The following BNC2 variants were observed in gnomAD, a reference collection of about 807,000 sequenced individuals.
The protein encoded by BNC2 is zinc finger protein basonuclin-2.
A neutral mutation model predicts 76.3 loss-of-function variants in BNC2; 20 were observed. The ratio of observed to expected loss-of-function variants is 0.26; its 90% CI spans 0.18 to 0.38. The LOEUF (loss-of-function observed/expected upper bound fraction) is 0.38, where lower values mean the gene tolerates loss of function less well. Ranked by LOEUF, BNC2 falls within the 10% of genes least tolerant of loss-of-function variation. BNC2 has a pLI of 1.00. For missense variants in BNC2, 1,382 were observed against 1,399.8 expected (o/e 0.99, Z 0.20); for synonymous variants, 582 against 514.8 (o/e 1.13, Z -1.77).
intron 3 of BNC2, among the ~76,000 whole-genome samples, chr9:16,623,647 C>T (rs1196179763): frequency 6.6e-6 from 1 of 152,152 alleles, no homozygotes; most frequent in Non-Finnish European, 1.5e-5. Context: ...AAATTATTTG[C>T]TTTTTAAATA....
intron 2 of BNC2, 108 bp downstream of exon 2, chr9:16,738,252 A>T (rs1302166682): frequency 8.1e-7 from 1 of 1,233,740 alleles, no homozygotes; most frequent in Non-Finnish European, 1.2e-6. Context: ...TATGAAAGAC[A>T]GTAAAAGAGT....
chr9:16,603,796 C>T (rs1335963896), intron 3 of BNC2, among the ~76,000 whole-genome samples: 1 of 151,994 alleles, frequency 6.6e-6, no homozygotes, highest in African/African-American at 2.4e-5. Flanking sequence ...TTATTAATGC[C>T]CAGAAAAATA....
At chr9:16,755,021 T>C (rs1330297) in intron 1 of BNC2, among the ~76,000 whole-genome samples, 131,114 of 152,168 alleles carry the variant, frequency 0.86, 56,867 homozygotes, top group Non-Finnish European at 0.91. Context: ...CTCCACATAT[T>C]GCCCACACTT....
In BNC2 at chr9:16,665,385, A is replaced by AG. The variant is rs1339101204; in HGVS notation, c.330+62411_330+62412insC. Among the ~76,000 whole-genome samples the AG allele has an allele frequency of 3.1e-3, 130 of 41,744 alleles. 4 individuals carry two copies. Among genetic ancestry groups the AG allele is most frequent in the South Asian group, 7.5e-3 (6 of 798 alleles). 27.4% of individuals were successfully genotyped at this position (41,744 alleles called of 152,430 possible). A position where few individuals can be genotyped will look rare whatever the true frequency, so the allele number is the denominator to read the frequency against. On this transcript the variant is annotated intron_variant, in intron 3 of 6. Transcript: ENST00000380672. Reference sequence around the variant, plus strand: ...ACCTCTGTCTCAAAAAAAAAAAAAAAAAGAGAGAGAGAGAGAGAAAGAGAG... The same window carrying AG: ...ACCTCTGTCTCAAAAAAAAAAAAAAAGAAGAGAGAGAGAGAGAGAAAGAGAG...
At chr9:16,422,041 A>C (rs1295054796) in intron 6 of BNC2, among the ~76,000 whole-genome samples, 1 of 152,206 alleles carries the variant, frequency 6.6e-6, no homozygotes, top group Non-Finnish European at 1.5e-5. Context: ...CTGAATAAGG[A>C]AGAATAAATT....
At chr9:16,810,742 G>A (rs1818025928) in intron 1 of BNC2, among the ~76,000 whole-genome samples, 1 of 152,206 alleles carries the variant, frequency 6.6e-6, no homozygotes, top group African/African-American at 2.4e-5. Context: ...TAAAGCCAGT[G>A]ATCCAAAGAG....
intron 1 of BNC2, among the ~76,000 whole-genome samples, chr9:16,766,217 T>A (rs1189485500): frequency 3.3e-5 from 5 of 152,238 alleles, no homozygotes; most frequent in Non-Finnish European, 7.3e-5. Context: ...GTGCTTTTAA[T>A]GTAGTTTTTC....
At chr9:16,678,168 C>A (rs774755763) in intron 3 of BNC2, among the ~76,000 whole-genome samples, 1 of 149,402 alleles carries the variant, frequency 6.7e-6, no homozygotes. Flanking sequence ...AAGGGAGGGA[C>A]GAAGGGGTGA....
At position 16,436,968 on chromosome 9, in the gene BNC2, G is replaced by A. The variant is rs143576449; in HGVS notation, c.1226C>T (p.Ala409Val). Residue 409 changes from alanine to valine, a missense_variant, in exon 6 of 7, where the codon GCC becomes GTC. Physicochemically the swap from Ala to Val is moderately conservative, Grantham distance 64 (BLOSUM62 0). Around this residue, in one of 3 missense-constraint regions of BNC2, gnomAD observed 557 missense variants for 540.9 expected, o/e 1.03. Coordinates refer to ENST00000380672, the MANE Select transcript of BNC2 (RefSeq NM_017637.6). ...PACVSPIQNS[A>V]PVSDLTKTEH... is the part of the protein sequence containing the mutation. ...AGTTTTGGTTAGATCACTGACTGGG[G>A]CAGAATTCTGAATGGGAGAGACACA... 25 of 1,614,022 alleles carry A rather than the reference G, an allele frequency of 1.5e-5. No homozygotes were observed. Among genetic ancestry groups the A allele is most frequent in the Middle Eastern group, 1.6e-4 (1 of 6,084 alleles).
intron 3 of BNC2, among the ~76,000 whole-genome samples, chr9:16,710,455 C>T (rs1823804292): frequency 6.6e-6 from 1 of 152,164 alleles, no homozygotes; most frequent in South Asian, 2.1e-4. Context: ...TTCTTTCTTT[C>T]AAATGAGATA....
rs1470311792 is a variant in BNC2, at chr9:16,416,633, T to C, written c.*2356A>G. ...TTGTCATTTAACATAGTGTTTGATATAGTTTCTTTTGTACTGCAAATACTT... is the reference window on the plus strand; with the variant it reads ...TTGTCATTTAACATAGTGTTTGATACAGTTTCTTTTGTACTGCAAATACTT... On this transcript the variant is annotated 3_prime_UTR_variant, in exon 7 of 7. Coordinates refer to ENST00000380672, the MANE Select transcript of BNC2 (RefSeq NM_017637.6). The C allele has an allele frequency of 6.6e-6, 1 of 152,654 alleles. No homozygotes were observed. The highest frequency in any genetic ancestry group is 1.9e-4 in the East Asian group (1 of 5,206). 9.5% of individuals were successfully genotyped at this position (152,654 alleles called of 1,614,324 possible).
intron 3 of BNC2, chr9:16,704,799 C>T (rs944648941): frequency 6.6e-6 from 1 of 151,578 alleles, no homozygotes. Context: ...GTTAACAGAT[C>T]AGTCCTGGCC....
chr9:16,665,470 G>T (rs577083585), intron 3 of BNC2, among the ~76,000 whole-genome samples: 10 of 143,092 alleles, frequency 7.0e-5, no homozygotes, highest in African/African-American at 2.1e-4. Context: ...AAGAAAGAAA[G>T]AAAGAAAGAA....
At chr9:16,806,730 A>C (rs112318040) in intron 1 of BNC2, among the ~76,000 whole-genome samples, 4,631 of 152,294 alleles carry the variant, frequency 0.03, 139 homozygotes, top group African/African-American at 0.077. Context: ...ACAAGAAACT[A>C]CAGTCTCCCT....
chr9:16,534,285 G>A (rs993160598), intron 5 of BNC2, among the ~76,000 whole-genome samples: 3 of 152,086 alleles, frequency 2.0e-5, no homozygotes, highest in Admixed American at 2.0e-4. Context: ...AAGACTGCCC[G>A]TGAAGGAGAG....
chr9:16,757,653 T>C (rs1455757846), intron 1 of BNC2, among the ~76,000 whole-genome samples: 2 of 8,344 alleles, frequency 2.4e-4, no homozygotes, highest in African/African-American at 2.9e-4. Flanking sequence ...AATTTTACTG[T>C]TTCCAACAAT....
At chr9:16,664,977 C>T (rs1822226499) in intron 3 of BNC2, 1 of 448,616 alleles carries the variant, frequency 2.2e-6, no homozygotes, top group African/African-American at 2.0e-5. Flanking sequence ...TAGCACAATG[C>T]TTCATGGCAG....
At chr9:16,613,570 T>C (rs1268387630) in intron 3 of BNC2, among the ~76,000 whole-genome samples, 1 of 152,182 alleles carries the variant, frequency 6.6e-6, no homozygotes, top group African/African-American at 2.4e-5. Flanking sequence ...GGAGATCAGC[T>C]ACTACCTTCA....
chr9:16,788,363 C>A (rs576091738), intron 1 of BNC2, among the ~76,000 whole-genome samples: 124 of 151,800 alleles, frequency 8.2e-4, no homozygotes, highest in African/African-American at 2.9e-3. Flanking sequence ...ACCATCCTGG[C>A]TAACATGGTG....
Sources: gnomAD v4.1 joint callset for allele counts (sites outside exome capture counted in the v4.1 genomes callset) on GRCh38, gnomAD v4.1.1 for gene constraint, gnomAD v4.1.1 regional missense constraint, MANE v1.5 for transcripts, NCBI Gene and HGNC (gene_info 2026-07-23, HGNC 2026-07-21) for gene names.